Variants in ZNF333 observed in about 807,000 individuals in gnomAD.
The protein encoded by ZNF333 is zinc finger protein 333.
In ZNF333, 61 loss-of-function variants were observed where a neutral mutation model predicts 76.1. The ratio of observed to expected loss-of-function variants is 0.80; its 90% CI spans 0.65 to 0.99. ZNF333 has a LOEUF of 0.99. Among genes scored for constraint, ZNF333 ranks in the 50% least tolerant of loss-of-function variants. The pLI, the probability that ZNF333 is intolerant of heterozygous loss-of-function variation, is 0.00. For synonymous variants in ZNF333, 284 were observed against 305.0 expected, an observed-to-expected ratio of 0.93 and a Z score of 0.72; for missense variants, 717 against 822.4, an observed-to-expected ratio of 0.87 and a Z score of 1.57.
rs1474994169 is a variant in ZNF333 at position 14,705,032 on chromosome 19, G to C, written c.307-22G>C. On this transcript the variant is annotated intron_variant, in intron 5 of 11. Coordinates refer to ENST00000292530, the MANE Select transcript of ZNF333 (RefSeq NM_032433.4). Reference sequence around the variant, plus strand: ...TGTGGTGCCAACTCTGTCCTGCTCAGCACCCTCTTGTCTTTTGCCAGGGGC... The same window carrying C: ...TGTGGTGCCAACTCTGTCCTGCTCACCACCCTCTTGTCTTTTGCCAGGGGC... 1.9e-6 allele frequency: 3 copies of C among 1,610,020 alleles called. No homozygotes were observed. In the African/African-American group the frequency reaches 4.0e-5, roughly 22 times the overall value.
intron 1 of ZNF333, among the ~76,000 whole-genome samples, chr19:14,691,151 T>G (rs1972743111): frequency 6.6e-6 from 1 of 152,216 alleles, no homozygotes; most frequent in Non-Finnish European, 1.5e-5. Flanking sequence ...TTGTTTTTCT[T>G]TATTTTCTAT....
intron 11 of ZNF333, chr19:14,731,126 A>G (rs1487433178): frequency 8.6e-6 from 13 of 1,519,392 alleles, no homozygotes; most frequent in Middle Eastern, 3.4e-4. Context: ...TATTCATTCA[A>G]TTTCTCTTCT....
chr19:14,705,572 C>T (rs934737316), intron 6 of ZNF333, among the ~76,000 whole-genome samples: 11 of 152,180 alleles, frequency 7.2e-5, no homozygotes, highest in Admixed American at 1.3e-4. Flanking sequence ...CAGGGCCCTG[C>T]GTGTCCTTAC....
At chr19:14,696,731 C>CT (rs55742444) in intron 4 of ZNF333, among the ~76,000 whole-genome samples, 2,803 of 82,608 alleles carry the variant, frequency 0.034, 14 homozygotes, top group African/African-American at 0.046. Context: ...ACCTAATCAC[C>CT]TTTTTTTTTT....
At chr19:14,714,109 A>T (rs1408001555) in intron 7 of ZNF333, among the ~76,000 whole-genome samples, 1 of 151,942 alleles carries the variant, frequency 6.6e-6, no homozygotes. Flanking sequence ...GGAAGTGGGC[A>T]CAGAGGGTAG....
At chr19:14,733,251 A>G (rs1025682428) in exon 12 of ZNF333, 15 of 152,304 alleles carry the variant, frequency 9.8e-5, no homozygotes, top group African/African-American at 3.4e-4. Context: ...GTTATTTTGG[A>G]CAAACACCGC....
rs764553663 is a variant in ZNF333 at position 14,718,416 on chromosome 19, T to C, written c.1089T>C (p.Asp363=). ...TGCCCGAGAAAATCCGTAGTGGGGA[T>C]AAATCCTATGCATGTAACAAATGTG... is the stretch of plus-strand genomic sequence containing the variant. ...LIVPEKIRSG[D]KSYACNKCEK... is the part of the protein sequence containing the mutation. Residue 363 remains aspartate, a synonymous_variant, in exon 12 of 12, where the codon GAT becomes GAC. Coordinates refer to ENST00000292530, the MANE Select transcript of ZNF333 (RefSeq NM_032433.4). 34 of 1,614,028 alleles carry C rather than the reference T, an allele frequency of 2.1e-5. No homozygotes were observed. In the Admixed American group the frequency reaches 5.2e-4, roughly 25 times the overall value.
Position 14,715,434 on chromosome 19 carries a change from A to C in ZNF333, c.564A>C (p.Glu188Asp), listed in dbSNP as rs1289535255. The C allele has an allele frequency of 1.9e-6, 3 of 1,614,100 alleles. No individual in the cohort carries two copies. Among genetic ancestry groups the C allele is most frequent in the Non-Finnish European group, 8.5e-7 (1 of 1,179,974 alleles). Residue 188 changes from glutamate to aspartate, a missense_variant, in exon 8 of 12, where the codon GAA becomes GAC. Physicochemically the swap from Glu to Asp is conservative, Grantham distance 45. Coordinates refer to ENST00000292530, the MANE Select transcript of ZNF333 (RefSeq NM_032433.4). ...TTCAGGAGGACAAAGTGGAGGAAGAAGCTATGGCTCCTGGGCTGCCAACCG... is the reference window on the plus strand; with the variant it reads ...TTCAGGAGGACAAAGTGGAGGAAGACGCTATGGCTCCTGGGCTGCCAACCG... The part of the protein sequence containing the change: ...AWLQEDKVEE[E>D]AMAPGLPTAC...
chr19:14,709,637 G>A (rs545888065), intron 7 of ZNF333, among the ~76,000 whole-genome samples: 1 of 152,312 alleles, frequency 6.6e-6, no homozygotes, highest in Non-Finnish European at 1.5e-5. Context: ...AAGGTCATAA[G>A]GGTGAAGCCC....
intron 4 of ZNF333, among the ~76,000 whole-genome samples, chr19:14,696,781 C>G (rs1033747475): frequency 2.1e-5 from 3 of 140,760 alleles, no homozygotes; most frequent in Non-Finnish European, 4.5e-5. Flanking sequence ...CCCTGTCACC[C>G]AGGCTGGAGT....
Position 14,699,206 on chromosome 19 carries a change from A to C in ZNF333, c.231A>C (p.Glu77Asp), listed in dbSNP as rs1365478471. Residue 77 changes from glutamate to aspartate, a missense_variant, in exon 5 of 12, where the codon GAA (glutamate) becomes GAC (aspartate). Physicochemically the swap from Glu to Asp is conservative, Grantham distance 45 (BLOSUM62 2). Transcript: ENST00000292530. ...GILRATGVAW[E>D]SQLKPEELPS... ...TTCTCCCATTCATTTCAGCCTGGGA[A>C]TCTCAACTTAAACCCGAAGAGTTGC... 1.2e-6 allele frequency: 2 copies of C among 1,613,454 alleles called. No homozygotes were observed. Among genetic ancestry groups the C allele is most frequent in the African/African-American group, 1.3e-5 (1 of 74,980 alleles).
chr19:14,701,792 C>T lies in ZNF333; in HGVS notation c.306+2511C>T, dbSNP rs185514950. On this transcript the variant is annotated intron_variant, in intron 5 of 11. Transcript: ENST00000292530. ...TTACATCAGAGCCCCAGGAAACAGGCGGTCACAGACTATTCTGAGTGGGCA... is the reference window on the plus strand; with the variant it reads ...TTACATCAGAGCCCCAGGAAACAGGTGGTCACAGACTATTCTGAGTGGGCA... The T allele has an allele frequency of 3.1e-4, 309 of 985,434 alleles. No individual in the cohort carries two copies. In the Middle Eastern group the frequency reaches 6.8e-3, roughly 22 times the overall value. 61.0% of individuals were successfully genotyped at this position (985,434 alleles called of 1,614,324 possible). A position where few individuals can be genotyped will look rare whatever the true frequency, so the allele number is the denominator to read the frequency against.
intron 5 of ZNF333, among the ~76,000 whole-genome samples, chr19:14,703,409 G>C (rs1210295989): frequency 2.0e-5 from 3 of 152,112 alleles, no homozygotes; most frequent in African/African-American, 7.2e-5. Flanking sequence ...ATATTTGTTC[G>C]ACAAATAGGC....
At chr19:14,711,010 G>C (rs951601787) in intron 7 of ZNF333, among the ~76,000 whole-genome samples, 5 of 152,150 alleles carry the variant, frequency 3.3e-5, no homozygotes, top group African/African-American at 1.2e-4. Flanking sequence ...AAGGTGCCAG[G>C]CTCTTTTTAA....
rs780133406 is a variant in ZNF333, at chr19:14,719,846, G to C, written c.*521G>C. The stretch of plus-strand genomic sequence containing the variant: ...AAATTACCCCTTCCTCCTTAGAAAA[G>C]AACCTGGGTTTTCTGTTCAGATTGG... On this transcript the variant is annotated 3_prime_UTR_variant, in exon 12 of 12. Transcript: ENST00000292530. The C allele has an allele frequency of 8.1e-6, 8 of 986,472 alleles. No individual in the cohort carries two copies. The highest frequency in any genetic ancestry group is 1.7e-5 in the African/African-American group (1 of 57,228). The allele number at this position is 986,472 out of a possible 1,614,324, so 61.1% of individuals were successfully genotyped here.
intron 2 of ZNF333, among the ~76,000 whole-genome samples, chr19:14,693,787 A>G (rs1408947380): frequency 1.3e-5 from 2 of 152,082 alleles, no homozygotes; most frequent in Non-Finnish European, 2.9e-5. Context: ...ACATGTGGCC[A>G]TAGAAATATA....
chr19:14,696,662 A>G (rs939468189), intron 4 of ZNF333, among the ~76,000 whole-genome samples: 14 of 151,702 alleles, frequency 9.2e-5, no homozygotes, highest in Non-Finnish European at 1.9e-4. Context: ...TTTTACAGCA[A>G]GGCCACTCTT....
rs2042583488 is a variant in ZNF333 at position 14,721,371 on chromosome 19, A to G, written c.*2046A>G. On this transcript the variant is annotated 3_prime_UTR_variant, in exon 12 of 12. Coordinates refer to ENST00000292530, the MANE Select transcript of ZNF333 (RefSeq NM_032433.4). Reference sequence around the variant, plus strand: ...ATAAATCTTAGGGTACACCTTGGTGAATTTTGTATATGTCTATACCCACCA... The same window carrying G: ...ATAAATCTTAGGGTACACCTTGGTGGATTTTGTATATGTCTATACCCACCA... 1 of 140,252 alleles carries G rather than the reference A, an allele frequency of 7.1e-6. No homozygotes were observed. The highest frequency in any genetic ancestry group is 2.7e-5 in the African/African-American group (1 of 37,722). The allele number at this position is 140,252 out of a possible 1,614,324, so 8.7% of individuals were successfully genotyped here.
intron 1 of ZNF333, among the ~76,000 whole-genome samples, chr19:14,691,375 T>C (rs1361475657): frequency 6.6e-6 from 1 of 152,194 alleles, no homozygotes; most frequent in Non-Finnish European, 1.5e-5. Context: ...ATATAAACTT[T>C]GTTAATACTG....
Sources: gnomAD v4.1 joint callset for allele counts (sites outside exome capture counted in the v4.1 genomes callset) on GRCh38, gnomAD v4.1.1 for gene constraint, MANE v1.5 for transcripts, NCBI Gene and HGNC (gene_info 2026-07-23, HGNC 2026-07-21) for gene names.